The following SF3B3 variants were observed in gnomAD, a reference collection of about 807,000 sequenced individuals.
SF3B3 encodes splicing factor 3b subunit 3.
In SF3B3, 33 loss-of-function variants were observed where a neutral mutation model predicts 139.2. That is an observed-to-expected ratio of 0.24 (90% CI 0.18 to 0.32). The LOEUF (loss-of-function observed/expected upper bound fraction) is 0.32. Among genes scored for constraint, SF3B3 ranks in the 10% least tolerant of loss-of-function variants. The probability of loss-of-function intolerance (pLI) is 1.00; values close to 1 mark genes in which losing one functional copy is unlikely to be tolerated. For missense variants in SF3B3, 818 were observed against 1,509.4 expected (o/e 0.54, Z 7.59); for synonymous variants, 596 against 563.6 (o/e 1.06, Z -0.81).
Position 70,567,424 on chromosome 16 carries a change from A to T in SF3B3, c.2840A>T (p.Glu947Val), listed in dbSNP as rs2050487315. The change falls in exon 21 of 26, where the codon GAG (glutamate) becomes GTG (valine). Residue 947 changes from glutamate to valine, a missense_variant. This residue lies in a region of SF3B3 where 145 missense variants were observed against 153.6 expected (regional missense o/e 0.94). Coordinates refer to ENST00000302516, the MANE Select transcript of SF3B3 (RefSeq NM_012426.5). ...TTTCCTCTATAGACTCCTGTGGAAG[A>T]GGTCCCTGCTGCTATTGCCCCATTC... ...LEFLHKTPVE[E>V]VPAAIAPFQG... The T allele has an allele frequency of 6.2e-7, 1 of 1,613,750 alleles. No homozygotes were observed. The highest frequency in any genetic ancestry group is 1.3e-5 in the African/African-American group (1 of 75,032).
chr16:70,544,624 T>C (rs1315902058), intron 10 of SF3B3, 91 bp downstream of exon 10: 2 of 749,728 alleles, frequency 2.7e-6, no homozygotes, highest in African/African-American at 3.5e-5. Context: ...GTCAAAGACA[T>C]AGTTAAGGTG....
chr16:70,571,410 C>T (rs919655650), intron 25 of SF3B3, among the ~76,000 whole-genome samples: 5 of 152,158 alleles, frequency 3.3e-5, no homozygotes, highest in African/African-American at 1.2e-4. Flanking sequence ...GTTCAAGTAT[C>T]GAGTGGAGAA....
chr16:70,576,084 T>G lies in SF3B3; in HGVS notation c.*4271T>G, dbSNP rs2050577225. On this transcript the variant is annotated 3_prime_UTR_variant, in exon 26 of 26. Transcript: ENST00000302516. ...AAAAGCCGGGCGTGAAGCCCTGTTT[T>G]TTTTTTTTTAAAAAAAGAGTCTGCT... is the stretch of plus-strand genomic sequence containing the variant. 6.6e-6 allele frequency: 1 copy of G among 150,464 alleles called. No homozygotes were observed. The highest frequency in any genetic ancestry group is 1.5e-5 in the Non-Finnish European group (1 of 67,570). The allele number at this position is 150,464 out of a possible 1,614,324, so 9.3% of individuals were successfully genotyped here. A position where few individuals can be genotyped will look rare whatever the true frequency, so the allele number is the denominator to read the frequency against.
intron 8 of SF3B3, 149 bp downstream of exon 8, chr16:70,539,356 T>C (rs2151781029): frequency 1.6e-6 from 1 of 627,786 alleles, no homozygotes; most frequent in East Asian, 2.9e-5. Context: ...GAGACCAGCC[T>C]GGCCAACATG....
intron 8 of SF3B3, among the ~76,000 whole-genome samples, chr16:70,540,448 A>G (rs1433048685): frequency 1.3e-5 from 2 of 151,986 alleles, no homozygotes; most frequent in Non-Finnish European, 2.9e-5. Context: ...GCTGGAGTGC[A>G]GGGGTGCAAT....
At chr16:70,525,420 C>G (rs761378345) in intron 1 of SF3B3, among the ~76,000 whole-genome samples, 9 of 152,126 alleles carry the variant, frequency 5.9e-5, no homozygotes, top group Non-Finnish European at 8.8e-5. Context: ...GAACCTGAAT[C>G]CAACTAGATT....
rs1413378823 is a variant in SF3B3 at position 70,574,517 on chromosome 16, G to A, written c.*2704G>A. The A allele has an allele frequency of 6.6e-6, 1 of 152,164 alleles. No individual in the cohort carries two copies. The allele number at this position is 152,164 out of a possible 1,614,324, so 9.4% of individuals were successfully genotyped here. A position where few individuals can be genotyped will look rare whatever the true frequency, so the allele number is the denominator to read the frequency against. ...TGTTTTTTTGTTTGTTTGTTTATTAGAGATGGAATCTCTCTCTCTTGACCA... is the reference window on the plus strand; with the variant it reads ...TGTTTTTTTGTTTGTTTGTTTATTAAAGATGGAATCTCTCTCTCTTGACCA... On this transcript the variant is annotated 3_prime_UTR_variant, in exon 26 of 26. Transcript: ENST00000302516.
At chr16:70,571,504 G>T (rs778563579) in intron 25 of SF3B3, among the ~76,000 whole-genome samples, 169 bp from the exon 26 acceptor site, 1 of 152,138 alleles carries the variant, frequency 6.6e-6, no homozygotes, top group Non-Finnish European at 1.5e-5. Context: ...TTTTGAGAGT[G>T]CAGTGAGCTA....
At chr16:70,555,339 G>A (rs1166425945) in intron 13 of SF3B3, 133 bp downstream of exon 13, 17 of 781,064 alleles carry the variant, frequency 2.2e-5, no homozygotes, top group South Asian at 4.7e-5. Context: ...TTAGCTGGGC[G>A]TGTTGGCATG....
intron 5 of SF3B3, 130 bp downstream of exon 5, chr16:70,532,750 C>A: frequency 1.1e-6 from 1 of 905,318 alleles, no homozygotes. Flanking sequence ...ATCTTTTGGA[C>A]AGGTTAGAAG....
At chr16:70,546,327 A>C (rs750649475) in intron 10 of SF3B3, among the ~76,000 whole-genome samples, 6 of 152,228 alleles carry the variant, frequency 3.9e-5, no homozygotes, top group Non-Finnish European at 8.8e-5. Context: ...CCTAGTGAGC[A>C]TATGATGAAA....
At chr16:70,550,767 G>T (rs192175446) in intron 11 of SF3B3, 4 of 584,426 alleles carry the variant, frequency 6.8e-6, no homozygotes, top group Non-Finnish European at 8.6e-6. Flanking sequence ...TGCCCTGATG[G>T]TGTCTTTCAG....
At chr16:70,538,994 CT>C in intron 7 of SF3B3, 109 bp from the exon 8 acceptor site, 2 of 818,728 alleles carry the variant, frequency 2.4e-6, no homozygotes, top group Non-Finnish European at 4.2e-6. Flanking sequence ...TTGTTGACCC[CT>C]GGTCAGATAT....
At chr16:70,525,874 T>C (rs1267189011) in intron 1 of SF3B3, among the ~76,000 whole-genome samples, 1 of 139,742 alleles carries the variant, frequency 7.2e-6, no homozygotes, top group African/African-American at 2.7e-5. Context: ...GGCAGGAGAA[T>C]GGTGTGAACC....
In SF3B3 at chr16:70,568,422, G is replaced by T; in HGVS notation, c.3092G>T (p.Arg1031Leu). ...ATCTTTGCTGATGATACCTACCCCC[G>T]ATGGGTCACTACAGCCAGCCTCCTG... ...LIIFADDTYP[R>L]WVTTASLLDY... The change falls in exon 22 of 26, where the codon CGA becomes CTA. Residue 1031 changes from arginine to leucine, a missense_variant. Coordinates refer to ENST00000302516, the MANE Select transcript of SF3B3 (RefSeq NM_012426.5). The T allele has an allele frequency of 6.2e-7, 1 of 1,614,132 alleles. No individual in the cohort carries two copies. Among genetic ancestry groups the T allele is most frequent in the South Asian group, 1.1e-5 (1 of 91,080 alleles).
chr16:70,565,085 G>C lies in SF3B3; in HGVS notation c.2484G>C (p.Gly828=), dbSNP rs746552367. Residue 828 remains glycine, a synonymous_variant, in exon 19 of 26, where the codon GGG becomes GGC. Transcript: ENST00000302516. The part of the protein sequence containing the change: ...QMAEEMVEAA[G]EDERELAAEM... ...TTTAGGAAATGGTGGAAGCAGCAGG[G>C]GAGGATGAGCGGGAGCTGGCCGCAG... is the stretch of plus-strand genomic sequence containing the variant. 1 of 1,613,646 alleles carries C rather than the reference G, an allele frequency of 6.2e-7. No individual in the cohort carries two copies. The highest frequency in any genetic ancestry group is 2.2e-5 in the East Asian group (1 of 44,890).
At chr16:70,536,809 T>TTC (rs1256597889) in intron 6 of SF3B3, among the ~76,000 whole-genome samples, 1 of 131,772 alleles carries the variant, frequency 7.6e-6, no homozygotes, top group African/African-American at 3.4e-5. Context: ...TTTTCTTTCT[T>TTC]TTTTTTTTTT....
chr16:70,560,409 T>G (rs1342588296), intron 15 of SF3B3, 60 bp from the exon 16 acceptor site: 2 of 1,581,308 alleles, frequency 1.3e-6, no homozygotes, highest in Non-Finnish European at 1.7e-6. Context: ...AGGGAGAGGT[T>G]TTCCCATCAT....
intron 20 of SF3B3, among the ~76,000 whole-genome samples, chr16:70,566,050 G>A (rs1347058639): frequency 6.6e-6 from 1 of 151,878 alleles, no homozygotes; most frequent in African/African-American, 2.4e-5. Flanking sequence ...CCGGGAGGCG[G>A]AGGTTGCAGT....
Sources: gnomAD v4.1 joint callset for allele counts (sites outside exome capture counted in the v4.1 genomes callset) on GRCh38, gnomAD v4.1.1 for gene constraint, gnomAD v4.1.1 regional missense constraint, MANE v1.5 for transcripts, NCBI Gene and HGNC (gene_info 2026-07-23, HGNC 2026-07-21) for gene names.